Variants in LBP observed in about 807,000 individuals in gnomAD.
LBP encodes the protein lipopolysaccharide-binding protein.
A neutral mutation model predicts 56.6 loss-of-function variants in LBP; 53 were observed. The observed-to-expected ratio is 0.94, with a 90% CI of 0.75 to 1.18. LBP has a LOEUF of 1.18. Among genes scored for constraint, LBP ranks in the 50% most tolerant of loss-of-function variants. LBP has a pLI of 0.00. For synonymous variants in LBP, 227 were observed against 247.5 expected (o/e 0.92, Z 0.78); for missense variants, 601 against 598.3 (o/e 1.00, Z -0.05).
intron 3 of LBP, among the ~76,000 whole-genome samples, chr20:38,351,189 C>T (rs112288993): frequency 2.6e-5 from 4 of 152,284 alleles, no homozygotes; most frequent in African/African-American, 9.6e-5. Flanking sequence ...GGGCTAAGTG[C>T]GGTAATATCA....
chr20:38,355,295 A>T, intron 4 of LBP, 51 bp from the exon 5 acceptor site: 1 of 1,562,018 alleles, frequency 6.4e-7, no homozygotes, highest in Non-Finnish European at 8.8e-7. Context: ...TGGCTTTCCC[A>T]GGCACCCGGC....
At chr20:38,347,314 T>G (rs1296966062) in intron 1 of LBP, among the ~76,000 whole-genome samples, 1 of 151,922 alleles carries the variant, frequency 6.6e-6, no homozygotes, top group Non-Finnish European at 1.5e-5. Context: ...GAGGCCGAGG[T>G]GGGTGGATAG....
rs1387222962 is a variant in LBP at position 38,369,096 on chromosome 20, T to C, written c.1083T>C (p.Tyr361=). The C allele has an allele frequency of 3.7e-6, 6 of 1,614,064 alleles. No individual in the cohort carries two copies. In the Admixed American group the frequency reaches 1.0e-4, roughly 27 times the overall value. ...FSPGNLSVDP[Y]MEIDAFVLLP... is the part of the protein sequence containing the mutation. ...CTGGGAATCTGTCTGTGGACCCCTATATGGAGATAGATGCCTTTGTGCTCC... is the reference window on the plus strand; with the variant it reads ...CTGGGAATCTGTCTGTGGACCCCTACATGGAGATAGATGCCTTTGTGCTCC... The change falls in exon 10 of 15, where the codon TAT becomes TAC. Residue 361 remains tyrosine (Y), a synonymous_variant. Coordinates refer to ENST00000217407, the MANE Select transcript of LBP (RefSeq NM_004139.5).
intron 11 of LBP, 120 bp from the exon 12 acceptor site, chr20:38,371,160 T>C (rs1179251321): frequency 1.4e-6 from 1 of 726,110 alleles, no homozygotes; most frequent in East Asian, 2.5e-5. Flanking sequence ...CCACTCCTGC[T>C]CCCGCCCTAC....
chr20:38,374,385 T>C (rs2076910784), intron 14 of LBP, among the ~76,000 whole-genome samples: 1 of 151,840 alleles, frequency 6.6e-6, no homozygotes, highest in African/African-American at 2.4e-5. Flanking sequence ...GATCACGAGG[T>C]CAGGAGTTTG....
At chr20:38,367,280 C>A (rs1405290384) in intron 9 of LBP, among the ~76,000 whole-genome samples, 1 of 151,950 alleles carries the variant, frequency 6.6e-6, no homozygotes, top group Non-Finnish European at 1.5e-5. Flanking sequence ...ATGACGAAAC[C>A]CCATCTCTAC....
chr20:38,351,373 C>G (rs1389747757), intron 3 of LBP, among the ~76,000 whole-genome samples: 1 of 152,172 alleles, frequency 6.6e-6, no homozygotes, highest in Admixed American at 6.5e-5. Context: ...AGCTGGGGAA[C>G]TCAGGGACAG....
intron 8 of LBP, among the ~76,000 whole-genome samples, chr20:38,364,957 G>A (rs893243901): frequency 6.6e-6 from 1 of 152,182 alleles, no homozygotes; most frequent in African/African-American, 2.4e-5. Flanking sequence ...TCCCATGGCT[G>A]GGTGTGGTGG....
chr20:38,364,640 C>A lies in LBP; in HGVS notation c.809C>A (p.Pro270His), dbSNP rs980602529. The change falls in exon 8 of 15, where the codon CCT becomes CAT. Residue 270 changes from proline (P) to histidine (H), a missense_variant. Transcript: ENST00000217407. ...VTLLAAVMSLPEEHNKMVYFA... is the reference protein window; with the variant it reads ...VTLLAAVMSLHEEHNKMVYFA... Reference sequence around the variant, plus strand: ...CTCCTTGCTGCAGTCATGAGCCTTCCTGAGGAACACAACAAAATGGTCTAC... The same window carrying A: ...CTCCTTGCTGCAGTCATGAGCCTTCATGAGGAACACAACAAAATGGTCTAC... 1 of 1,614,124 alleles carries A rather than the reference C, an allele frequency of 6.2e-7. No homozygotes were observed. The highest frequency in any genetic ancestry group is 1.7e-5 in the Admixed American group (1 of 60,016).
Position 38,370,760 on chromosome 20 carries a change from T to C in LBP, c.1172T>C (p.Leu391Ser). 6.2e-7 allele frequency: 1 copy of C among 1,614,140 alleles called. No individual in the cohort carries two copies. The highest frequency in any genetic ancestry group is 1.1e-5 in the South Asian group (1 of 91,072). Residue 391 changes from leucine to serine, a missense_variant, in exon 11 of 15, where the codon TTG becomes TCG. By Grantham distance (145) the Leu-to-Ser change is moderately radical. Transcript: ENST00000217407. ...LSVATNVSAT[L>S]TFNTSKITGF... ...CAGGCCACTAATGTGTCCGCCACCT[T>C]GACCTTCAATACCAGCAAGATCACT... is the stretch of plus-strand genomic sequence containing the variant.
At chr20:38,351,186 G>T (rs1401044828) in intron 3 of LBP, among the ~76,000 whole-genome samples, 1 of 152,254 alleles carries the variant, frequency 6.6e-6, no homozygotes, top group Non-Finnish European at 1.5e-5. Flanking sequence ...GGAGGGCTAA[G>T]TGCGGTAATA....
intron 14 of LBP, among the ~76,000 whole-genome samples, chr20:38,375,317 T>A (rs993433470): frequency 2.0e-5 from 3 of 151,884 alleles, no homozygotes; most frequent in Admixed American, 2.0e-4. Flanking sequence ...GAGCGGTGGT[T>A]CATGCCTGTA....
chr20:38,347,104 A>G (rs923261597), intron 1 of LBP, among the ~76,000 whole-genome samples: 2 of 152,232 alleles, frequency 1.3e-5, no homozygotes, highest in Non-Finnish European at 2.9e-5. Flanking sequence ...CCTGAAGGGC[A>G]TGAGGGAGGT....
intron 14 of LBP, among the ~76,000 whole-genome samples, chr20:38,375,543 T>C (rs2083954008): frequency 6.6e-6 from 1 of 151,958 alleles, no homozygotes; most frequent in Admixed American, 6.6e-5. Flanking sequence ...ATCATGCCAC[T>C]GCACTCCAGC....
At chr20:38,370,897 AC>A in intron 11 of LBP, 92 bp downstream of exon 11, 1 of 1,066,374 alleles carries the variant, frequency 9.4e-7, no homozygotes, top group African/African-American at 1.6e-5. Context: ...AGGGGGGGCC[AC>A]CATTTGGAAA....
chr20:38,371,321 A>T lies in LBP; in HGVS notation c.1259A>T (p.Asn420Ile). ...ELKESKVGLF[N>I]AELLEALLNY... is the part of the protein sequence containing the mutation. The stretch of plus-strand genomic sequence containing the variant: ...AAAGAATCCAAAGTTGGACTATTCA[A>T]TGTAAGTTGTTTTTATTGATGACAT... Residue 420 changes from asparagine to isoleucine, a missense_variant and splice_region_variant, in exon 12 of 15, where the codon AAT becomes ATT. By Grantham distance (149) the Asn-to-Ile change is moderately radical. Coordinates refer to ENST00000217407, the MANE Select transcript of LBP (RefSeq NM_004139.5). The T allele has an allele frequency of 1.9e-6, 3 of 1,602,968 alleles. No individual in the cohort carries two copies. Among genetic ancestry groups the T allele is most frequent in the Non-Finnish European group, 2.6e-6 (3 of 1,170,450 alleles).
At chr20:38,355,463 A>C in intron 5 of LBP, 54 bp downstream of exon 5, 1 of 1,487,730 alleles carries the variant, frequency 6.7e-7, no homozygotes, top group Non-Finnish European at 9.4e-7. Flanking sequence ...GCTGAATGGA[A>C]GACCTCACTG....
At chr20:38,356,532 C>T (rs993968198) in intron 5 of LBP, among the ~76,000 whole-genome samples, 1 of 151,942 alleles carries the variant, frequency 6.6e-6, no homozygotes, top group African/African-American at 2.4e-5. Flanking sequence ...AGGCAAACCC[C>T]GCATTTTGGG....
At chr20:38,356,826 C>G (rs1201810606) in intron 5 of LBP, among the ~76,000 whole-genome samples, 1 of 152,062 alleles carries the variant, frequency 6.6e-6, no homozygotes, top group African/African-American at 2.4e-5. Flanking sequence ...ATAATGGGCT[C>G]AGCAGTTCAC....
Sources: allele counts gnomAD v4.1 joint callset (sites outside exome capture counted in the v4.1 genomes callset), GRCh38; gene constraint gnomAD v4.1.1; transcripts MANE v1.5; gene names NCBI Gene and HGNC (gene_info 2026-07-23, HGNC 2026-07-21).